EXT1: variants seen among roughly 807,000 people sequenced by gnomAD.
EXT1 encodes exostosin-1.
In EXT1, 20 loss-of-function variants were observed where a neutral mutation model predicts 82.5. The observed-to-expected ratio is 0.24, with a 90% confidence interval of 0.17 to 0.35. The LOEUF (loss-of-function observed/expected upper bound fraction) is 0.35, where lower values mean the gene tolerates loss of function less well. Among genes scored for constraint, EXT1 ranks in the 10% least tolerant of loss-of-function variants. The pLI is 1.00. For synonymous variants in EXT1, 348 were observed against 350.8 expected, an observed-to-expected ratio of 0.99 and a Z score of 0.09; for missense variants, 757 against 936.5, an observed-to-expected ratio of 0.81 and a Z score of 2.50.
At chr8:117,952,240 T>C (rs1012333085) in intron 1 of EXT1, among the ~76,000 whole-genome samples, 7 of 152,220 alleles carry the variant, frequency 4.6e-5, no homozygotes, top group African/African-American at 1.7e-4. Context: ...AGCATACACA[T>C]TACTGGTATA....
chr8:117,873,058 T>C (rs1364154033), intron 1 of EXT1, among the ~76,000 whole-genome samples: 1 of 152,126 alleles, frequency 6.6e-6, no homozygotes, highest in Admixed American at 6.5e-5. Flanking sequence ...GGGAAGTGAT[T>C]AGGTCATGAG....
At chr8:117,939,053 T>TC (rs1163003710) in intron 1 of EXT1, among the ~76,000 whole-genome samples, 8 of 151,582 alleles carry the variant, frequency 5.3e-5, no homozygotes, top group African/African-American at 7.3e-5. Context: ...TGTTTTTTTT[T>TC]CCCCCCAATG....
chr8:118,027,530 G>A (rs1770835632), intron 1 of EXT1, among the ~76,000 whole-genome samples: 1 of 152,124 alleles, frequency 6.6e-6, no homozygotes, highest in Admixed American at 6.5e-5. Context: ...CTCTACAAGT[G>A]CTTGCTCTCA....
Position 117,799,150 on chromosome 8 carries a change from T to G in EXT1, c.*562A>C, listed in dbSNP as rs188472207. The G allele has an allele frequency of 6.4e-6, 1 of 155,574 alleles. No homozygotes were observed. Among genetic ancestry groups the G allele is most frequent in the Non-Finnish European group, 1.4e-5 (1 of 70,204 alleles). 9.6% of individuals were successfully genotyped at this position (155,574 alleles called of 1,614,324 possible). ...TTTAGAGATAAAAGTTCAAGTGGAT[T>G]TGAAGATTCGAAGTGGAAAACAATT... On this transcript the variant is annotated 3_prime_UTR_variant, in exon 11 of 11. Coordinates refer to ENST00000378204, the MANE Select transcript of EXT1 (RefSeq NM_000127.3).
intron 1 of EXT1, among the ~76,000 whole-genome samples, chr8:117,966,011 C>CAT (rs571314898): frequency 1.3e-5 from 2 of 151,186 alleles, no homozygotes; most frequent in South Asian, 2.1e-4. Flanking sequence ...CACACACACA[C>CAT]ATATATACAC....
intron 1 of EXT1, among the ~76,000 whole-genome samples, chr8:117,874,679 T>C (rs923659355): frequency 1.3e-5 from 2 of 152,072 alleles, no homozygotes; most frequent in African/African-American, 4.8e-5. Flanking sequence ...CTGCTACTCA[T>C]GTGCCCACAA....
intron 1 of EXT1, among the ~76,000 whole-genome samples, chr8:117,949,531 T>C (rs910735137): frequency 1.3e-5 from 2 of 149,192 alleles, no homozygotes; most frequent in Non-Finnish European, 3.0e-5. Context: ...ATATAATATA[T>C]ATACGTATTA....
chr8:117,859,608 G>A (rs1460238803), intron 1 of EXT1, among the ~76,000 whole-genome samples: 1 of 152,166 alleles, frequency 6.6e-6, no homozygotes, highest in Non-Finnish European at 1.5e-5. Context: ...AAAAGCAAGA[G>A]CCAAAAGAAA....
At chr8:118,068,923 A>C (rs1817038158) in intron 1 of EXT1, among the ~76,000 whole-genome samples, 1 of 152,196 alleles carries the variant, frequency 6.6e-6, no homozygotes, top group South Asian at 2.1e-4. Context: ...CTAAGCTGCA[A>C]GAAGCTTTAG....
At position 117,820,460 on chromosome 8, in the gene EXT1, G is replaced by A. The variant is rs550549752; in HGVS notation, c.1418-666C>T. On this transcript the variant is annotated intron_variant, in intron 5 of 10. Coordinates refer to ENST00000378204, the MANE Select transcript of EXT1 (RefSeq NM_000127.3). ...TCCCAGCAATTTGGGAGGCTGAGGC[G>A]GGCAGATCACTTGAGACCAGCAGTT... is the stretch of plus-strand genomic sequence containing the variant. Among the ~76,000 whole-genome samples, 14 of 152,194 alleles carry A rather than the reference G, an allele frequency of 9.2e-5. No individual in the cohort carries two copies. In the East Asian group the frequency reaches 2.1e-3, roughly 23 times the overall value.
intron 1 of EXT1, among the ~76,000 whole-genome samples, chr8:117,964,089 G>A (rs1814756654): frequency 6.6e-6 from 1 of 151,992 alleles, no homozygotes; most frequent in Non-Finnish European, 1.5e-5. Flanking sequence ...ACTGCTTTGG[G>A]GAATTACAGT....
At chr8:118,104,994 T>A (rs1236289487) in intron 1 of EXT1, among the ~76,000 whole-genome samples, 1 of 152,190 alleles carries the variant, frequency 6.6e-6, no homozygotes, top group Non-Finnish European at 1.5e-5. Context: ...ACTCGGGCCA[T>A]AAAACCTGGG....
Position 118,085,218 on chromosome 8 carries a change from A to G in EXT1, c.962+24867T>C, listed in dbSNP as rs571360944. ...CAAGGATGCTGAGGTTATTAAAATA[A>G]CCTATTTGCTACAGCCTTGGTGTCT... is the stretch of plus-strand genomic sequence containing the variant. On this transcript the variant is annotated intron_variant, in intron 1 of 10. Coordinates refer to ENST00000378204, the MANE Select transcript of EXT1 (RefSeq NM_000127.3). 2.6e-3 allele frequency among the ~76,000 whole-genome samples: 401 copies of G among 152,316 alleles called. 2 individuals are homozygous for G. The highest frequency in any genetic ancestry group is 9.0e-3 in the African/African-American group (376 of 41,572).
At chr8:118,037,504 C>A (rs1456926300) in intron 1 of EXT1, among the ~76,000 whole-genome samples, 2 of 151,868 alleles carry the variant, frequency 1.3e-5, no homozygotes, top group East Asian at 1.9e-4. Flanking sequence ...AGCCACCACA[C>A]CCAGCCAGAA....
chr8:118,110,189 G>A lies in EXT1; in HGVS notation c.858C>T (p.Val286=). 1 of 1,614,198 alleles carries A rather than the reference G, an allele frequency of 6.2e-7. No individual in the cohort carries two copies. Among genetic ancestry groups the A allele is most frequent in the Non-Finnish European group, 8.5e-7 (1 of 1,180,038 alleles). The change falls in exon 1 of 11, where the codon GTC becomes GTT. Residue 286 remains valine, a synonymous_variant. Coordinates refer to ENST00000378204, the MANE Select transcript of EXT1 (RefSeq NM_000127.3). ...GGAGCACAACGTCCTCCCCGTTATG[G>A]ACGTGATATAAGGCATTCCTGGTGT... ...GSDTRNALYH[V]HNGEDVVLLT...
intron 1 of EXT1, among the ~76,000 whole-genome samples, chr8:118,021,774 C>A (rs1816106864): frequency 6.6e-6 from 1 of 152,192 alleles, no homozygotes; most frequent in South Asian, 2.1e-4. Flanking sequence ...CCAGACTACA[C>A]AGGTTCTTCG....
chr8:117,827,191 T>C (rs185175297), intron 4 of EXT1, among the ~76,000 whole-genome samples: 10 of 152,324 alleles, frequency 6.6e-5, no homozygotes, highest in African/African-American at 2.4e-4. Context: ...TTATAAGCCT[T>C]AGAAATGCCT....
intron 1 of EXT1, among the ~76,000 whole-genome samples, chr8:117,897,590 TC>T (rs1813364207): frequency 1.0e-5 from 1 of 98,712 alleles, no homozygotes; most frequent in Admixed American, 1.2e-4. Context: ...GCTTCTTTTC[TC>T]TTTTTTTTTT....
chr8:117,935,768 T>G (rs1814147915), intron 1 of EXT1, among the ~76,000 whole-genome samples: 1 of 152,192 alleles, frequency 6.6e-6, no homozygotes, highest in African/African-American at 2.4e-5. Context: ...TATTTTAATT[T>G]TTGGAGCTCT....
Sources: allele counts gnomAD v4.1 joint callset (sites outside exome capture counted in the v4.1 genomes callset), GRCh38; gene constraint gnomAD v4.1.1; transcripts MANE v1.5; gene names NCBI Gene and HGNC (gene_info 2026-07-23, HGNC 2026-07-21).